The following GRIK2 variants were observed in gnomAD, a reference collection of about 807,000 sequenced individuals.
GRIK2 encodes the protein glutamate ionotropic receptor kainate type subunit 2.
Under a neutral mutation model 100.3 loss-of-function variants are expected in GRIK2, and 32 were observed. That is an observed-to-expected ratio of 0.32 (90% CI 0.24 to 0.43). The LOEUF (loss-of-function observed/expected upper bound fraction) is 0.43, where lower values mean the gene tolerates loss of function less well. GRIK2 is among the 20% of genes least tolerant of loss of function. GRIK2 has a pLI of 1.00. For synonymous variants in GRIK2, 417 were observed against 389.4 expected (o/e 1.07, Z -0.83); for missense variants, 843 against 1,114.9 (o/e 0.76, Z 3.47).
chr6:101,900,320 C>T (rs1039598343), intron 12 of GRIK2, among the ~76,000 whole-genome samples: 6 of 151,832 alleles, frequency 4.0e-5, no homozygotes, highest in Non-Finnish European at 5.9e-5. Flanking sequence ...TAAAATTAGC[C>T]GGGCGTGGTG....
At chr6:101,905,018 A>G (rs1788129047) in intron 12 of GRIK2, among the ~76,000 whole-genome samples, 1 of 151,602 alleles carries the variant, frequency 6.6e-6, no homozygotes, top group Non-Finnish European at 1.5e-5. Context: ...TCTCATTTAC[A>G]TGTTAGACAA....
intron 10 of GRIK2, among the ~76,000 whole-genome samples, chr6:101,826,765 A>T (rs1350446242): frequency 6.6e-6 from 1 of 151,924 alleles, no homozygotes; most frequent in African/African-American, 2.4e-5. Flanking sequence ...CAACTGAAGG[A>T]ATTTAATAGC....
intron 10 of GRIK2, among the ~76,000 whole-genome samples, chr6:101,823,949 C>A (rs1782140578): frequency 6.6e-6 from 1 of 150,428 alleles, no homozygotes; most frequent in African/African-American, 2.4e-5. Context: ...CTCACTGCAA[C>A]CTCCGCCTCC....
intron 4 of GRIK2, among the ~76,000 whole-genome samples, chr6:101,661,372 A>G (rs1177341076): frequency 1.3e-5 from 2 of 152,028 alleles, no homozygotes; most frequent in African/African-American, 4.8e-5. Flanking sequence ...CTGTGCTAGC[A>G]GCAAGAATTT....
At chr6:101,515,003 C>G (rs1438939492) in intron 2 of GRIK2, among the ~76,000 whole-genome samples, 1 of 152,164 alleles carries the variant, frequency 6.6e-6, no homozygotes, top group East Asian at 1.9e-4. Flanking sequence ...ATCACCCAAA[C>G]AGTATACACT....
At chr6:101,792,794 G>A (rs1273201625) in intron 7 of GRIK2, among the ~76,000 whole-genome samples, 11 of 152,184 alleles carry the variant, frequency 7.2e-5, no homozygotes, top group Non-Finnish European at 1.3e-4. Flanking sequence ...ATAATATCCT[G>A]CAGAGTTTTT....
At chr6:101,681,252 A>G (rs1196059591) in intron 5 of GRIK2, among the ~76,000 whole-genome samples, 6 of 152,000 alleles carry the variant, frequency 3.9e-5, no homozygotes, top group Non-Finnish European at 5.9e-5. Flanking sequence ...TCAAGTATTT[A>G]TCCCTGTTTT....
intron 2 of GRIK2, among the ~76,000 whole-genome samples, chr6:101,535,355 T>G (rs1180751255): frequency 6.6e-6 from 1 of 151,766 alleles, no homozygotes; most frequent in Non-Finnish European, 1.5e-5. Flanking sequence ...AGAATATAAC[T>G]GCTTGGTTGT....
In GRIK2 at chr6:101,769,016, A is replaced by G. The variant is rs575369611; in HGVS notation, c.952-30632A>G. On this transcript the variant is annotated intron_variant, in intron 7 of 16. Coordinates refer to ENST00000369134, the MANE Select transcript of GRIK2 (RefSeq NM_021956.5). ...AAAACTGACCTAAGAGGCTAAAATTATAGCTGATATGCTTATTATTGCTCT... is the reference window on the plus strand; with the variant it reads ...AAAACTGACCTAAGAGGCTAAAATTGTAGCTGATATGCTTATTATTGCTCT... Among the ~76,000 whole-genome samples the G allele has an allele frequency of 7.1e-4, 108 of 152,298 alleles. 2 individuals carry two copies. The highest frequency in any genetic ancestry group is 5.0e-3 in the South Asian group (24 of 4,828).
intron 1 of GRIK2, among the ~76,000 whole-genome samples, chr6:101,394,763 A>G (rs1347749595): frequency 6.6e-6 from 1 of 152,224 alleles, no homozygotes; most frequent in Non-Finnish European, 1.5e-5. Flanking sequence ...TATAGAGTCT[A>G]TTCCTGTAAC....
chr6:101,550,025 G>A (rs905404122), intron 2 of GRIK2, among the ~76,000 whole-genome samples: 1 of 152,184 alleles, frequency 6.6e-6, no homozygotes, highest in Non-Finnish European at 1.5e-5. Flanking sequence ...TAGGCTGGAT[G>A]CTTCATTGCA....
At chr6:101,869,096 G>T (rs189129102) in intron 11 of GRIK2, among the ~76,000 whole-genome samples, 1 of 151,936 alleles carries the variant, frequency 6.6e-6, no homozygotes, top group East Asian at 1.9e-4. Flanking sequence ...ACTATTTTTA[G>T]TGCTGCAGTT....
chr6:101,884,656 A>G (rs375444214), intron 11 of GRIK2, among the ~76,000 whole-genome samples: 3 of 152,154 alleles, frequency 2.0e-5, no homozygotes, highest in African/African-American at 7.2e-5. Context: ...AATCTGTTCT[A>G]TCTAGATGGT....
chr6:101,861,763 A>T (rs1361509051), intron 11 of GRIK2, among the ~76,000 whole-genome samples: 1 of 152,170 alleles, frequency 6.6e-6, no homozygotes, highest in African/African-American at 2.4e-5. Flanking sequence ...TGAATTACAC[A>T]TACAGGGGAC....
intron 2 of GRIK2, among the ~76,000 whole-genome samples, chr6:101,491,226 C>T (rs1487548541): frequency 1.4e-5 from 2 of 147,650 alleles, no homozygotes; most frequent in Admixed American, 6.8e-5. Flanking sequence ...AACAAGAAAT[C>T]AGTTTGTTTG....
chr6:101,494,178 G>A (rs1366730126), intron 2 of GRIK2, among the ~76,000 whole-genome samples: 1 of 150,856 alleles, frequency 6.6e-6, no homozygotes, highest in African/African-American at 2.4e-5. Context: ...TATGAATCTT[G>A]AATTTATAAA....
At chr6:101,398,007 G>A (rs1775082600) in intron 1 of GRIK2, among the ~76,000 whole-genome samples, 1 of 151,804 alleles carries the variant, frequency 6.6e-6, no homozygotes, top group Admixed American at 6.6e-5. Context: ...TTCTATTTCT[G>A]TACTTTATTT....
chr6:101,867,637 T>C (rs902363462), intron 11 of GRIK2, among the ~76,000 whole-genome samples: 1 of 151,814 alleles, frequency 6.6e-6, no homozygotes, highest in Non-Finnish European at 1.5e-5. Context: ...AGTTCTCAAA[T>C]ATAAATGACT....
intron 4 of GRIK2, among the ~76,000 whole-genome samples, chr6:101,656,023 C>A (rs1782046331): frequency 6.6e-6 from 1 of 152,082 alleles, no homozygotes; most frequent in Non-Finnish European, 1.5e-5. Context: ...AAATGGCAGG[C>A]TGGGCATGGT....
Sources: gnomAD v4.1 joint callset for allele counts (sites outside exome capture counted in the v4.1 genomes callset) on GRCh38, gnomAD v4.1.1 for gene constraint, MANE v1.5 for transcripts, NCBI Gene and HGNC (gene_info 2026-07-23, HGNC 2026-07-21) for gene names.